The following FGFR2 variants were observed in gnomAD, a reference collection of about 807,000 sequenced individuals.
FGFR2 encodes the protein fibroblast growth factor receptor 2, also known as BEK fibroblast growth factor receptor.
FGFR2 carries 19 observed loss-of-function variants against 95.9 expected under a neutral mutation model. That is an observed-to-expected ratio of 0.20 (90% CI 0.14 to 0.29). The LOEUF (loss-of-function observed/expected upper bound fraction) is 0.29. Ranked by LOEUF, FGFR2 falls within the 10% of genes least tolerant of loss-of-function variation. The pLI, the probability that FGFR2 is intolerant of heterozygous loss-of-function variation, is 1.00. For synonymous variants in FGFR2, 392 were observed against 393.3 expected (o/e 1.00, Z 0.04); for missense variants, 707 against 1,056.9 (o/e 0.67, Z 4.59).
chr10:121,550,053 T>C (rs1389264891), intron 5 of FGFR2, among the ~76,000 whole-genome samples: 1 of 152,220 alleles, frequency 6.6e-6, no homozygotes, highest in Non-Finnish European at 1.5e-5. Context: ...TTTCATATGC[T>C]CAATTATTAC....
At chr10:121,519,328 T>C (rs1326347193) in intron 7 of FGFR2, among the ~76,000 whole-genome samples, 2 of 152,180 alleles carry the variant, frequency 1.3e-5, no homozygotes, top group African/African-American at 2.4e-5. Flanking sequence ...GCAGATGCTA[T>C]GAAAATGGGG....
Position 121,565,176 on chromosome 10 carries a change from C to CAA in FGFR2, c.376+260_376+261dup, listed in dbSNP as rs71865754. Reference sequence around the variant, plus strand: ...CTAAATGCCAGAGATGTCAGTGGTACAAAAAAAAAAAAAAAAAAGCATGTA... The same window carrying CAA: ...CTAAATGCCAGAGATGTCAGTGGTACAAAAAAAAAAAAAAAAAAAAGCATGTA... On this transcript the variant is annotated intron_variant, in intron 3 of 17. Transcript: ENST00000358487. 0.24 allele frequency among the ~76,000 whole-genome samples: 23,203 copies of CAA among 97,790 alleles called. 2,944 individuals are homozygous for CAA. Among genetic ancestry groups the CAA allele is most frequent in the Non-Finnish European group, 0.3 (14,209 of 47,190 alleles). The allele number at this position is 97,790 out of a possible 152,430, so 64.2% of individuals were successfully genotyped here. A position where few individuals can be genotyped will look rare whatever the true frequency, so the allele number is the denominator to read the frequency against.
At chr10:121,563,201 C>G (rs1418359413) in intron 4 of FGFR2, among the ~76,000 whole-genome samples, 2 of 152,166 alleles carry the variant, frequency 1.3e-5, no homozygotes, top group Non-Finnish European at 2.9e-5. Context: ...TGGTGAAACC[C>G]CATCTCTACT....
intron 2 of FGFR2, among the ~76,000 whole-genome samples, chr10:121,579,801 G>C (rs1221830703): frequency 6.6e-6 from 1 of 152,126 alleles, no homozygotes; most frequent in Non-Finnish European, 1.5e-5. Context: ...GCCTCACGCA[G>C]TCCACAGAGC....
intron 2 of FGFR2, among the ~76,000 whole-genome samples, chr10:121,592,030 T>G (rs931381357): frequency 6.6e-6 from 1 of 152,206 alleles, no homozygotes; most frequent in Non-Finnish European, 1.5e-5. Flanking sequence ...ACACTTTATG[T>G]TGAAATAAAC....
chr10:121,595,855 C>T (rs1863362276), intron 1 of FGFR2, among the ~76,000 whole-genome samples: 1 of 152,254 alleles, frequency 6.6e-6, no homozygotes. Flanking sequence ...GTTCCATCAT[C>T]CCGCTAGCTG....
chr10:121,581,785 A>AAGCAGC (rs1181740821), intron 2 of FGFR2, among the ~76,000 whole-genome samples: 1 of 147,242 alleles, frequency 6.8e-6, no homozygotes, highest in Admixed American at 6.8e-5. Context: ...AAAAAAAAAA[A>AAGCAGC]AGCAGCAGCA....
At position 121,488,015 on chromosome 10, in the gene FGFR2, T is replaced by C. The variant is rs1385830246; in HGVS notation, c.1962A>G (p.Ile654Met). The change falls in exon 14 of 18, where the codon ATA becomes ATG. Residue 654 changes from isoleucine (I) to methionine (M), a missense_variant. By Grantham distance (10) the Ile-to-Met change is conservative. Coordinates refer to ENST00000358487, the MANE Select transcript of FGFR2 (RefSeq NM_000141.5). The part of the protein sequence containing the change: ...DFGLARDINN[I>M]DYYKKTTNGR... ...CATTGGTGGTCTTTTTGTAATAGTC[T>C]ATATTGTTGATATCTCTGGCGAGTC... The C allele has an allele frequency of 1.2e-6, 2 of 1,614,174 alleles. No individual in the cohort carries two copies. Among genetic ancestry groups the C allele is most frequent in the East Asian group, 4.5e-5 (2 of 44,892 alleles).
At position 121,479,447 on chromosome 10, in the gene FGFR2, C is replaced by T. The variant is rs886491775; in HGVS notation, c.*410G>A. On this transcript the variant is annotated 3_prime_UTR_variant, in exon 18 of 18. Transcript: ENST00000358487. ...TGTAAATATATAATATATATTTATA[C>T]ATAATTTGAATATATTTACATACAT... 2.3e-6 allele frequency: 1 copy of T among 427,736 alleles called. No homozygotes were observed. The highest frequency in any genetic ancestry group is 4.1e-6 in the Non-Finnish European group (1 of 245,484). 26.5% of individuals were successfully genotyped at this position (427,736 alleles called of 1,614,324 possible). A position where few individuals can be genotyped will look rare whatever the true frequency, so the allele number is the denominator to read the frequency against.
At chr10:121,520,234 T>C (rs976150424) in intron 6 of FGFR2, 65 bp from the exon 7 acceptor site, 3 of 1,504,972 alleles carry the variant, frequency 2.0e-6, no homozygotes, top group Non-Finnish European at 2.7e-6. Flanking sequence ...AAATAAGCTG[T>C]GTTGTCCAGA....
intron 6 of FGFR2, among the ~76,000 whole-genome samples, chr10:121,534,777 G>C (rs1022109217): frequency 2.0e-5 from 3 of 152,028 alleles, no homozygotes; most frequent in Non-Finnish European, 4.4e-5. Context: ...ACCCTCAAAA[G>C]AATCCTGGTT....
chr10:121,569,869 T>C (rs1858333196), intron 2 of FGFR2, among the ~76,000 whole-genome samples: 2 of 152,206 alleles, frequency 1.3e-5, no homozygotes. Context: ...TTAGTAAACA[T>C]GCCAGTAATA....
At chr10:121,524,101 T>TACACACACACAC (rs61527395) in intron 6 of FGFR2, among the ~76,000 whole-genome samples, 105 of 89,196 alleles carry the variant, frequency 1.2e-3, no homozygotes, top group African/African-American at 3.2e-3. Context: ...CGGCTATGTA[T>TACACACACACAC]ACACACACAC....
intron 6 of FGFR2, chr10:121,538,060 G>C: frequency 2.1e-6 from 1 of 465,758 alleles, no homozygotes; most frequent in South Asian, 2.8e-5. Flanking sequence ...TTGCACAGAG[G>C]AAATAGATGC....
At chr10:121,544,443 TAA>T (rs753310814) in intron 5 of FGFR2, among the ~76,000 whole-genome samples, 74 of 106,186 alleles carry the variant, frequency 7.0e-4, no homozygotes, top group African/African-American at 1.5e-3. Context: ...AACTCCGTCT[TAA>T]AAAAAAAAAA....
chr10:121,576,047 CGTG>C (rs1859685048), intron 2 of FGFR2, among the ~76,000 whole-genome samples: 1 of 151,356 alleles, frequency 6.6e-6, no homozygotes, highest in Non-Finnish European at 1.5e-5. Flanking sequence ...ATTAGCCGGG[CGTG>C]GTGGCACACG....
chr10:121,593,747 G>A lies in FGFR2; in HGVS notation c.71C>T (p.Ser24Phe), dbSNP rs2135483581. Residue 24 changes from serine (S) to phenylalanine (F), a missense_variant, in exon 2 of 18, where the codon TCC becomes TTC. Ser to Phe is a radical substitution (Grantham distance 155, BLOSUM62 -2). Around this residue, in one of 7 missense-constraint regions of FGFR2, gnomAD observed 178 missense variants for 194.1 expected, o/e 0.92. Coordinates refer to ENST00000358487, the MANE Select transcript of FGFR2 (RefSeq NM_000141.5). Reference protein sequence around the residue: ...TMATLSLARPSFSLVEDTTLE... With the variant: ...TMATLSLARPFFSLVEDTTLE... ...TGTGGTATCCTCAACTAAACTGAAGGAGGGCCGGGCCAGGGACAAGGTTGC... is the reference window on the plus strand; with the variant it reads ...TGTGGTATCCTCAACTAAACTGAAGAAGGGCCGGGCCAGGGACAAGGTTGC... The A allele has an allele frequency of 6.2e-7, 1 of 1,614,146 alleles. No homozygotes were observed. Among genetic ancestry groups the A allele is most frequent in the Non-Finnish European group, 8.5e-7 (1 of 1,180,036 alleles).
At chr10:121,492,377 C>T (rs1846251544) in intron 13 of FGFR2, among the ~76,000 whole-genome samples, 1 of 152,032 alleles carries the variant, frequency 6.6e-6, no homozygotes, top group East Asian at 1.9e-4. Context: ...TGTCTCCAAT[C>T]CCCAACCCCT....
intron 4 of FGFR2, among the ~76,000 whole-genome samples, chr10:121,562,992 C>A (rs1485849545): frequency 6.6e-6 from 1 of 152,228 alleles, no homozygotes; most frequent in East Asian, 1.9e-4. Context: ...GTAATCCCAG[C>A]ACTTCAGGAG....
Sources: gnomAD v4.1 joint callset for allele counts (sites outside exome capture counted in the v4.1 genomes callset) on GRCh38, gnomAD v4.1.1 for gene constraint, gnomAD v4.1.1 regional missense constraint, MANE v1.5 for transcripts, NCBI Gene and HGNC (gene_info 2026-07-23, HGNC 2026-07-21) for gene names.